Variants in ABCF1 observed in about 807,000 individuals in gnomAD.
ABCF1 encodes the protein ATP-binding cassette sub-family F member 1.
In ABCF1, 73 loss-of-function variants were observed where a neutral mutation model predicts 126.3. The ratio of observed to expected loss-of-function variants is 0.58; its 90% confidence interval spans 0.48 to 0.70. The LOEUF is 0.70. Among genes scored for constraint, ABCF1 ranks in the 30% least tolerant of loss-of-function variants. ABCF1 has a pLI of 0.00. For synonymous variants in ABCF1, 345 were observed against 396.4 expected (o/e 0.87, Z 1.54); for missense variants, 786 against 1,057.5 (o/e 0.74, Z 3.56).
rs566568112 is a variant in ABCF1 at position 30,584,340 on chromosome 6, G to A, written c.1242+9G>A. The stretch of plus-strand genomic sequence containing the variant: ...CTGAGAGGCTAGAGAAGGTAGAGGA[G>A]ATGGCGCAGGGGACACGGGCAAAGA... On this transcript the variant is annotated intron_variant, in intron 13 of 24. Transcript: ENST00000326195. This position sits in a 1 kb window ranked among gnomAD's most constrained non-coding sequence, Gnocchi z 4.6. The A allele has an allele frequency of 4.3e-6, 7 of 1,613,140 alleles. No homozygotes were observed. In the East Asian group the frequency reaches 1.6e-4, roughly 36 times the overall value.
chr6:30,575,071 C>CTTTTTTTTT, intron 1 of ABCF1, among the ~76,000 whole-genome samples: 2 of 129,808 alleles, frequency 1.5e-5, no homozygotes, highest in Non-Finnish European at 1.7e-5. Flanking sequence ...GACTTTTTTT[C>CTTTTTTTTT]TTTTTTTTTT....
intron 8 of ABCF1, among the ~76,000 whole-genome samples, chr6:30,582,005 C>T (rs1326194808): frequency 6.6e-6 from 1 of 151,332 alleles, no homozygotes; most frequent in Non-Finnish European, 1.5e-5. Flanking sequence ...GGGGCAGGGA[C>T]AGGGGGCAGA....
At chr6:30,575,996 C>T (rs749352603) in intron 1 of ABCF1, among the ~76,000 whole-genome samples, 60 of 150,796 alleles carry the variant, frequency 4.0e-4, no homozygotes, top group Non-Finnish European at 7.4e-4. Flanking sequence ...ATCACCTAAG[C>T]CTAGGAATTT....
At chr6:30,587,927 C>T (rs1374352275) in intron 20 of ABCF1, among the ~76,000 whole-genome samples, 6 of 150,034 alleles carry the variant, frequency 4.0e-5, no homozygotes, top group African/African-American at 1.5e-4. Context: ...TGTTTTGAGA[C>T]GGAGTCTCAC....
intron 9 of ABCF1, among the ~76,000 whole-genome samples, chr6:30,582,749 A>G (rs1387801601): frequency 9.9e-5 from 15 of 152,142 alleles, no homozygotes; most frequent in Admixed American, 9.8e-4. Flanking sequence ...GCTGGAGTGC[A>G]ATGACGTGAT....
At position 30,577,893 on chromosome 6, in the gene ABCF1, C is replaced by T; in HGVS notation, c.196C>T (p.Gln66Ter). 1.2e-6 allele frequency: 2 copies of T among 1,614,016 alleles called. No homozygotes were observed. The highest frequency in any genetic ancestry group is 1.7e-6 in the Non-Finnish European group (2 of 1,180,024). ...AGTGCTCAAGGAGAAGGAGCAGCAG[C>T]AGCAGCAACAGCAACAGCAGGTACA... ...EKVLKEKEQQ[Q>*]QQQQQQQKKK... Residue 66 changes from glutamine to a stop codon, truncating the protein, a stop_gained, in exon 3 of 25, where the codon CAG becomes TAG. Coordinates refer to ENST00000326195, the MANE Select transcript of ABCF1 (RefSeq NM_001025091.2). LOFTEE classifies it high-confidence loss of function.
Position 30,577,469 on chromosome 6 carries a change from G to A in ABCF1, c.120+14G>A. On this transcript the variant is annotated intron_variant, in intron 2 of 24. Transcript: ENST00000326195. The stretch of plus-strand genomic sequence containing the variant: ...ATCAAAAAAACGGTGAGAAAATGAG[G>A]GTTGAGGATAAGAAATGACTATGGA... 2 of 1,612,394 alleles carry A rather than the reference G, an allele frequency of 1.2e-6. No individual in the cohort carries two copies. The highest frequency in any genetic ancestry group is 8.5e-7 in the Non-Finnish European group (1 of 1,179,158).
intron 2 of ABCF1, 63 bp downstream of exon 2, chr6:30,577,518 C>T: frequency 1.3e-6 from 2 of 1,576,336 alleles, no homozygotes; most frequent in Non-Finnish European, 1.7e-6. Flanking sequence ...AATAAATAGC[C>T]ATGTGAAGGA....
At chr6:30,589,560 G>A (rs1582602740) in intron 20 of ABCF1, 128 bp from the exon 21 acceptor site, 13 of 1,064,734 alleles carry the variant, frequency 1.2e-5, no homozygotes, top group South Asian at 7.7e-5. Context: ...CCGAGATCGC[G>A]CCACTGCACT....
intron 20 of ABCF1, 44 bp from the exon 21 acceptor site, chr6:30,589,643 CT>C: frequency 1.9e-6 from 3 of 1,606,546 alleles, no homozygotes; most frequent in African/African-American, 1.3e-5. Context: ...GCTGCAGCAC[CT>C]TTTTCCCTTG....
chr6:30,578,900 T>C (rs1298057365), intron 6 of ABCF1, among the ~76,000 whole-genome samples: 1 of 152,016 alleles, frequency 6.6e-6, no homozygotes, highest in Non-Finnish European at 1.5e-5. Flanking sequence ...CTTGGAAGGC[T>C]GAGGCAGGAG....
At chr6:30,576,368 A>C (rs1232097790) in intron 1 of ABCF1, among the ~76,000 whole-genome samples, 2 of 133,454 alleles carry the variant, frequency 1.5e-5, no homozygotes, top group East Asian at 2.2e-4. Context: ...GCTCACTGCA[A>C]CCTCCGCCTC....
In ABCF1 at chr6:30,583,071, G is replaced by A; in HGVS notation, c.798G>A (p.Glu266=). 1.2e-6 allele frequency: 2 copies of A among 1,608,404 alleles called. No homozygotes were observed. The highest frequency in any genetic ancestry group is 1.7e-6 in the Non-Finnish European group (2 of 1,176,026). ...AGTTTTTCCTACCTTCTCAGATGGA[G>A]TATGAGCGCCAAGTGGCTTCATTAA... ...KEKKKLKKQM[E]YERQVASLKA... Residue 266 remains glutamate, a synonymous_variant, in exon 10 of 25, where the codon GAG becomes GAA. Transcript: ENST00000326195. The surrounding 1 kb of genome is among the most constrained non-coding windows in gnomAD (Gnocchi z 4.1).
rs1192097115 is a variant in ABCF1, at chr6:30,591,479, C to G, written c.*778C>G. 3 of 152,010 alleles carry G rather than the reference C, an allele frequency of 2.0e-5. No homozygotes were observed. The highest frequency in any genetic ancestry group is 7.3e-5 in the African/African-American group (3 of 41,362). 9.4% of individuals were successfully genotyped at this position (152,010 alleles called of 1,614,324 possible). A position where few individuals can be genotyped will look rare whatever the true frequency, so the allele number is the denominator to read the frequency against. The stretch of plus-strand genomic sequence containing the variant: ...TTTAAGGATCATAGGATTCCTTTCC[C>G]CCAACCCTTCACGCAAGGAAAAAGC... On this transcript the variant is annotated 3_prime_UTR_variant, in exon 25 of 25. Transcript: ENST00000326195.
In ABCF1 at chr6:30,577,992, T is replaced by C. The variant is rs376748875; in HGVS notation, c.216+79T>C. 267 of 1,613,372 alleles carry C rather than the reference T, an allele frequency of 1.7e-4. 8 individuals carry two copies. Among genetic ancestry groups the C allele is most frequent in the East Asian group, 8.9e-4 (40 of 44,872 alleles). ...CCCTTTCCAGCCCATGTTGCTCCAT[T>C]CAGCTGATGGGGAACCCTCTGTGAG... is the stretch of plus-strand genomic sequence containing the variant. On this transcript the variant is annotated intron_variant, in intron 3 of 24. Transcript: ENST00000326195.
In ABCF1 at chr6:30,571,693, C is replaced by T. The variant is rs557131663; in HGVS notation, c.73+133C>T. The T allele has an allele frequency of 9.8e-5, 98 of 1,000,896 alleles. 1 individual carries two copies. In the African/African-American group the frequency reaches 1.3e-3, roughly 13 times the overall value. 62.0% of individuals were successfully genotyped at this position (1,000,896 alleles called of 1,614,324 possible). A position where few individuals can be genotyped will look rare whatever the true frequency, so the allele number is the denominator to read the frequency against. ...AGTTACTGCGCATGCGTGCCGTGGGCCCGGGAGGAGTTTGCCGGGGAGGAG... is the reference window on the plus strand; with the variant it reads ...AGTTACTGCGCATGCGTGCCGTGGGTCCGGGAGGAGTTTGCCGGGGAGGAG... On this transcript the variant is annotated intron_variant, in intron 1 of 24. Coordinates refer to ENST00000326195, the MANE Select transcript of ABCF1 (RefSeq NM_001025091.2).
intron 20 of ABCF1, among the ~76,000 whole-genome samples, chr6:30,589,231 T>C (rs1802310409): frequency 6.6e-6 from 1 of 151,958 alleles, no homozygotes; most frequent in South Asian, 2.1e-4. Flanking sequence ...ACTCCTGACC[T>C]TAAGTGCCTC....
Position 30,579,973 on chromosome 6 carries a change from G to A in ABCF1, c.532G>A (p.Gly178Arg). The change falls in exon 7 of 25, where the codon GGA becomes AGA. Residue 178 changes from glycine (G) to arginine (R), a missense_variant. Coordinates refer to ENST00000326195, the MANE Select transcript of ABCF1 (RefSeq NM_001025091.2). ...EQQPALKGKK[G>R]KEEKSKGKAK... ...GCAGCCTGCACTCAAGGGCAAAAAGGGAAAGGAAGAGAAGTCAAAAGGGAA... is the reference window on the plus strand; with the variant it reads ...GCAGCCTGCACTCAAGGGCAAAAAGAGAAAGGAAGAGAAGTCAAAAGGGAA... 1 of 1,612,802 alleles carries A rather than the reference G, an allele frequency of 6.2e-7. No homozygotes were observed. The highest frequency in any genetic ancestry group is 8.5e-7 in the Non-Finnish European group (1 of 1,179,912).
intron 20 of ABCF1, among the ~76,000 whole-genome samples, chr6:30,587,191 A>G (rs955481337): frequency 2.0e-5 from 3 of 151,666 alleles, no homozygotes; most frequent in African/African-American, 7.3e-5. Context: ...CGGGGGTTGC[A>G]GTGAGCTGAG....
Sources: allele counts gnomAD v4.1 joint callset (sites outside exome capture counted in the v4.1 genomes callset), GRCh38; gene constraint gnomAD v4.1.1; non-coding constraint Gnocchi (gnomAD v3.1); transcripts MANE v1.5; gene names NCBI Gene and HGNC (gene_info 2026-07-23, HGNC 2026-07-21).